Variants in SMARCAL1 observed in about 807,000 individuals in gnomAD.
The protein encoded by SMARCAL1 is ATP-driven annealing helicase.
Under a neutral mutation model 94.5 loss-of-function variants are expected in SMARCAL1, and 58 were observed. That is an observed-to-expected ratio of 0.61 (90% CI 0.50 to 0.76). The LOEUF is 0.76. Ranked by LOEUF, SMARCAL1 falls within the 30% of genes least tolerant of loss-of-function variation. SMARCAL1 has a pLI of 0.00. For missense variants in SMARCAL1, 1,051 were observed against 1,177.9 expected, an observed-to-expected ratio of 0.89 and a Z score of 1.58; for synonymous variants, 422 against 455.1, an observed-to-expected ratio of 0.93 and a Z score of 0.93.
intron 6 of SMARCAL1, among the ~76,000 whole-genome samples, chr2:216,424,881 T>G (rs943371037): frequency 2.0e-5 from 3 of 152,284 alleles, no homozygotes; most frequent in Admixed American, 6.5e-5. Context: ...CTGCTACTAT[T>G]TGGAACTTGT....
intron 16 of SMARCAL1, 28 bp downstream of exon 16, chr2:216,477,237 T>C (rs1695104511): frequency 6.6e-7 from 1 of 1,505,216 alleles, no homozygotes; most frequent in Non-Finnish European, 9.1e-7. Flanking sequence ...GGCCTGGCAG[T>C]TGGAGTCGAG....
At position 216,414,945 on chromosome 2, in the gene SMARCAL1, A is replaced by G. The variant is rs1444762648; in HGVS notation, c.241A>G (p.Asn81Asp). The G allele has an allele frequency of 1.9e-6, 3 of 1,614,078 alleles. No individual in the cohort carries two copies. The highest frequency in any genetic ancestry group is 1.3e-5 in the African/African-American group (1 of 74,924). ...FKQQNLSSSSNADQRPHDSHS... is the reference protein window; with the variant it reads ...FKQQNLSSSSDADQRPHDSHS... ...GCAACAGAATCTCAGTAGCTCATCT[A>G]ATGCTGACCAAAGACCTCATGATTC... Residue 81 changes from asparagine (N) to aspartate (D), a missense_variant, in exon 3 of 18, where the codon AAT becomes GAT. Transcript: ENST00000357276.
At chr2:216,462,135 A>G (rs569541256) in intron 12 of SMARCAL1, among the ~76,000 whole-genome samples, 1 of 152,352 alleles carries the variant, frequency 6.6e-6, no homozygotes, top group South Asian at 2.1e-4. Flanking sequence ...GTCAAGTATA[A>G]TAAAAGTGTT....
intron 12 of SMARCAL1, among the ~76,000 whole-genome samples, chr2:216,453,237 C>T (rs1694487868): frequency 6.6e-6 from 1 of 152,190 alleles, no homozygotes; most frequent in South Asian, 2.1e-4. Context: ...CTGTCTGCTT[C>T]CTTGGAGTCT....
At chr2:216,460,484 C>T (rs1694670394) in intron 12 of SMARCAL1, among the ~76,000 whole-genome samples, 1 of 152,108 alleles carries the variant, frequency 6.6e-6, no homozygotes, top group African/African-American at 2.4e-5. Context: ...GGCACATATA[C>T]ACCATGGAAT....
At chr2:216,422,427 C>G (rs574355340) in intron 5 of SMARCAL1, among the ~76,000 whole-genome samples, 2 of 152,250 alleles carry the variant, frequency 1.3e-5, no homozygotes, top group East Asian at 3.9e-4. Context: ...AGATCACACT[C>G]CTGACATGGT....
intron 14 of SMARCAL1, among the ~76,000 whole-genome samples, chr2:216,469,374 C>T (rs139809982): frequency 0.031 from 4,619 of 150,048 alleles, 138 homozygotes; most frequent in East Asian, 0.16. Flanking sequence ...CTCCACCTCC[C>T]GGGTTCAAGC....
intron 10 of SMARCAL1, among the ~76,000 whole-genome samples, chr2:216,442,409 T>G (rs542153933): frequency 4.0e-4 from 52 of 131,474 alleles, no homozygotes; most frequent in African/African-American, 1.6e-3. Context: ...ACAGCTAGAC[T>G]CTGTCTCAAA....
chr2:216,421,007 G>A (rs1031338705), intron 5 of SMARCAL1, among the ~76,000 whole-genome samples: 1 of 152,170 alleles, frequency 6.6e-6, no homozygotes, highest in Non-Finnish European at 1.5e-5. Context: ...TGAGCATGGA[G>A]CCAAACTTTT....
chr2:216,475,240 C>T lies in SMARCAL1; in HGVS notation c.2245-29C>T, dbSNP rs746572867. 1.9e-6 allele frequency: 3 copies of T among 1,613,342 alleles called. No individual in the cohort carries two copies. The highest frequency in any genetic ancestry group is 1.7e-5 in the Admixed American group (1 of 60,022). Reference sequence around the variant, plus strand: ...CTGAGAAGCCCCCGGGGCTGTTGCCCACCTTGCTTCTGCCCCTTGTTCCTG... The same window carrying T: ...CTGAGAAGCCCCCGGGGCTGTTGCCTACCTTGCTTCTGCCCCTTGTTCCTG... On this transcript the variant is annotated intron_variant, in intron 14 of 17. Coordinates refer to ENST00000357276, the MANE Select transcript of SMARCAL1 (RefSeq NM_014140.4). This position sits in a 1 kb window ranked among gnomAD's most constrained non-coding sequence, Gnocchi z 4.4.
chr2:216,466,342 T>C (rs537572949), intron 13 of SMARCAL1, among the ~76,000 whole-genome samples: 2 of 152,338 alleles, frequency 1.3e-5, no homozygotes, highest in South Asian at 2.1e-4. Context: ...TTTACACCTG[T>C]GAACTCATTT....
intron 4 of SMARCAL1, among the ~76,000 whole-genome samples, chr2:216,417,517 A>G (rs1693627985): frequency 6.6e-6 from 1 of 152,088 alleles, no homozygotes; most frequent in Non-Finnish European, 1.5e-5. Context: ...CCCTTTTCTT[A>G]GAAGAACACC....
intron 7 of SMARCAL1, among the ~76,000 whole-genome samples, chr2:216,432,290 G>T (rs772000229): frequency 6.6e-6 from 1 of 152,022 alleles, no homozygotes; most frequent in Non-Finnish European, 1.5e-5. Context: ...CACCGCGCCC[G>T]ACCCTTTCCT....
In SMARCAL1 at chr2:216,464,603, C is replaced by T. The variant is rs1694788127; in HGVS notation, c.2077C>T (p.Gln693Ter). The part of the protein sequence containing the change: ...EMTTKDKTKQ[Q>*]QKDALILFFN... ...TTAACTTATCTTTCAACAGAAACAG[C>T]AGCAGAAAGATGCCCTCATTCTCTT... The change falls in exon 13 of 18, where the codon CAG (glutamine) becomes TAG (stop). Residue 693 changes from glutamine (Q) to a stop codon, truncating the protein, a stop_gained. Transcript: ENST00000357276. LOFTEE classifies it high-confidence loss of function. 3 of 1,611,762 alleles carry T rather than the reference C, an allele frequency of 1.9e-6. No individual in the cohort carries two copies. The highest frequency in any genetic ancestry group is 2.5e-6 in the Non-Finnish European group (3 of 1,178,260).
intron 7 of SMARCAL1, among the ~76,000 whole-genome samples, chr2:216,432,103 C>A (rs140944216): frequency 6.6e-6 from 1 of 150,408 alleles, no homozygotes; most frequent in South Asian, 2.1e-4. Context: ...TTCATTGCAA[C>A]CTCTGCCTCC....
rs775648760 is a variant in SMARCAL1, at chr2:216,478,220, A to C, written c.2546A>C (p.Lys849Thr). The part of the protein sequence containing the change: ...DDYLWPLIQE[K>T]IKVLAEAGLS... ...CCCAACAGGCCCCTGATTCAAGAGA[A>C]GATTAAAGTTCTGGCAGAAGCCGGG... Residue 849 changes from lysine (K) to threonine (T), a missense_variant, in exon 17 of 18, where the codon AAG becomes ACG. Around this residue, in one of 3 missense-constraint regions of SMARCAL1, gnomAD observed 642 missense variants for 754.7 expected, o/e 0.85. Coordinates refer to ENST00000357276, the MANE Select transcript of SMARCAL1 (RefSeq NM_014140.4). 6.2e-7 allele frequency: 1 copy of C among 1,614,142 alleles called. No homozygotes were observed. Among genetic ancestry groups the C allele is most frequent in the Non-Finnish European group, 8.5e-7 (1 of 1,179,980 alleles).
intron 6 of SMARCAL1, 26 bp from the exon 7 acceptor site, chr2:216,428,570 T>G: frequency 6.2e-7 from 1 of 1,611,144 alleles, no homozygotes; most frequent in Non-Finnish European, 8.5e-7. Context: ...ACACTCCAGC[T>G]CATATGCTTC....
chr2:216,472,007 G>A (rs1694976832), intron 14 of SMARCAL1, among the ~76,000 whole-genome samples: 2 of 152,088 alleles, frequency 1.3e-5, no homozygotes, highest in Non-Finnish European at 2.9e-5. Flanking sequence ...TATTGCTATC[G>A]GAAGATGTCC....
chr2:216,438,228 A>G (rs1334197475), intron 9 of SMARCAL1, among the ~76,000 whole-genome samples, 192 bp from the exon 10 acceptor site: 1 of 152,238 alleles, frequency 6.6e-6, no homozygotes, highest in South Asian at 2.1e-4. Flanking sequence ...CAACTTGCTC[A>G]GAATGCAGTA....
Sources: gnomAD v4.1 joint callset for allele counts (sites outside exome capture counted in the v4.1 genomes callset) on GRCh38, gnomAD v4.1.1 for gene constraint, gnomAD v4.1.1 regional missense constraint, Gnocchi (gnomAD v3.1) non-coding constraint, MANE v1.5 for transcripts, NCBI Gene and HGNC (gene_info 2026-07-23, HGNC 2026-07-21) for gene names.